CLYBL: variants seen among roughly 807,000 people sequenced by gnomAD.
The protein encoded by CLYBL is citramalyl-CoA lyase, mitochondrial.
Under a neutral mutation model 38.9 loss-of-function variants are expected in CLYBL, and 31 were observed. The observed-to-expected ratio is 0.80, with a 90% CI of 0.60 to 1.08. The LOEUF is 1.08. Ranked by LOEUF, CLYBL falls within the 50% of genes least tolerant of loss-of-function variation. The pLI, the probability that CLYBL is intolerant of heterozygous loss-of-function variation, is 0.00. For synonymous variants in CLYBL, 171 were observed against 158.6 expected (o/e 1.08, Z -0.59); for missense variants, 434 against 411.6 (o/e 1.05, Z -0.47).
At chr13:99,679,095 T>C (rs1005690935) in intron 1 of CLYBL, among the ~76,000 whole-genome samples, 7 of 151,970 alleles carry the variant, frequency 4.6e-5, no homozygotes, top group South Asian at 2.1e-4. Context: ...GAGATTGAGA[T>C]CATCCTGGCT....
chr13:99,791,760 G>A (rs543699749), intron 2 of CLYBL, among the ~76,000 whole-genome samples: 1 of 152,238 alleles, frequency 6.6e-6, no homozygotes, highest in African/African-American at 2.4e-5. Context: ...TGTCTTAACC[G>A]TGCTCCCAAA....
intron 2 of CLYBL, among the ~76,000 whole-genome samples, chr13:99,851,313 GC>G (rs1220098477): frequency 7.1e-6 from 1 of 141,260 alleles, no homozygotes; most frequent in African/African-American, 2.7e-5. Flanking sequence ...GTTGCAGTGA[GC>G]CGAGATCATG....
intron 2 of CLYBL, among the ~76,000 whole-genome samples, chr13:99,820,303 TC>T (rs1465478624): frequency 6.6e-6 from 1 of 152,164 alleles, no homozygotes; most frequent in Admixed American, 6.5e-5. Context: ...GGTCCTGCAC[TC>T]CCGTGCACTC....
chr13:99,858,587 T>C (rs1227427672), intron 2 of CLYBL, among the ~76,000 whole-genome samples: 3 of 152,232 alleles, frequency 2.0e-5, no homozygotes, highest in Non-Finnish European at 4.4e-5. Flanking sequence ...GTAATGCTAA[T>C]GAGAAAGACG....
At chr13:99,625,699 A>T in intron 1 of CLYBL, among the ~76,000 whole-genome samples, 1 of 152,252 alleles carries the variant, frequency 6.6e-6, no homozygotes, top group East Asian at 1.9e-4. Flanking sequence ...AGAAAATTCT[A>T]AAACATACCA....
chr13:99,673,337 C>G (rs150280819), intron 1 of CLYBL, among the ~76,000 whole-genome samples: 1 of 151,008 alleles, frequency 6.6e-6, no homozygotes, highest in Non-Finnish European at 1.5e-5. Flanking sequence ...CACTTGAACC[C>G]GGGAGGCAGA....
chr13:99,844,561 T>C (rs1270966203), intron 2 of CLYBL, among the ~76,000 whole-genome samples: 1 of 152,170 alleles, frequency 6.6e-6, no homozygotes, highest in Non-Finnish European at 1.5e-5. Flanking sequence ...GGCAGTGGTC[T>C]GGATAAAAAG....
chr13:99,638,462 C>T (rs2047053229), intron 1 of CLYBL, among the ~76,000 whole-genome samples: 1 of 152,208 alleles, frequency 6.6e-6, no homozygotes. Context: ...ACAACATCAT[C>T]TGAACAAATA....
chr13:99,696,601 A>G (rs2047982977), intron 1 of CLYBL, among the ~76,000 whole-genome samples: 1 of 152,120 alleles, frequency 6.6e-6, no homozygotes, highest in African/African-American at 2.4e-5. Context: ...ACATGGTAAA[A>G]ATTGATTTGA....
chr13:99,736,755 T>C (rs2048675047), intron 1 of CLYBL, among the ~76,000 whole-genome samples: 2 of 152,170 alleles, frequency 1.3e-5, no homozygotes, highest in African/African-American at 2.4e-5. Flanking sequence ...TCCACTGCCC[T>C]CTTATGCTGA....
chr13:99,660,593 C>T (rs1469572793), intron 1 of CLYBL, among the ~76,000 whole-genome samples: 2 of 152,186 alleles, frequency 1.3e-5, no homozygotes, highest in Non-Finnish European at 2.9e-5. Flanking sequence ...GTCTTTGATT[C>T]ACTAACTCCC....
At chr13:99,860,741 C>A (rs1350971790) in intron 3 of CLYBL, among the ~76,000 whole-genome samples, 1 of 152,196 alleles carries the variant, frequency 6.6e-6, no homozygotes, top group Admixed American at 6.5e-5. Context: ...AACAGAAGTC[C>A]TTTTGGCTGT....
exon 10 of CLYBL, among the ~76,000 whole-genome samples, chr13:99,908,719 C>T (rs1270912195): frequency 6.6e-6 from 1 of 152,146 alleles, no homozygotes; most frequent in Non-Finnish European, 1.5e-5. Context: ...TAAAGAATAT[C>T]AACATCATTT....
At chr13:99,905,072 G>T (rs564292012) in intron 8 of CLYBL, among the ~76,000 whole-genome samples, 1 of 152,022 alleles carries the variant, frequency 6.6e-6, no homozygotes, top group East Asian at 1.9e-4. Context: ...AGAGGGAAAG[G>T]GGGTGCTTCA....
intron 1 of CLYBL, among the ~76,000 whole-genome samples, chr13:99,747,398 C>T (rs2048872341): frequency 6.6e-6 from 1 of 151,846 alleles, no homozygotes; most frequent in Non-Finnish European, 1.5e-5. Flanking sequence ...CCTCCTGCCG[C>T]TCTGATTTAG....
chr13:99,864,747 A>C lies in CLYBL; in HGVS notation c.541-71A>C, dbSNP rs998810889. On this transcript the variant is annotated intron_variant, in intron 4 of 8. Coordinates refer to ENST00000339105, the MANE Select transcript of CLYBL (RefSeq NM_206808.5). ...TAAGAGTCAGGTCGTCCTGTTACTG[A>C]AATGCACCGTGCCTCTTCCCTCTGA... 2.9e-6 allele frequency: 3 copies of C among 1,034,836 alleles called. No individual in the cohort carries two copies. In the African/African-American group the frequency reaches 4.8e-5, roughly 16 times the overall value. 64.1% of individuals were successfully genotyped at this position (1,034,836 alleles called of 1,614,324 possible).
chr13:99,885,307 G>A (rs1428675306), intron 7 of CLYBL, among the ~76,000 whole-genome samples: 1 of 152,204 alleles, frequency 6.6e-6, no homozygotes, highest in African/African-American at 2.4e-5. Flanking sequence ...ATCAGGAGGA[G>A]TTTGCCAGAC....
chr13:99,759,329 G>A (rs1045766719), intron 1 of CLYBL, among the ~76,000 whole-genome samples: 10 of 152,254 alleles, frequency 6.6e-5, no homozygotes, highest in Non-Finnish European at 1.5e-4. Flanking sequence ...AGGAGCAGAA[G>A]CAACAGGTGG....
chr13:99,798,967 G>A (rs1214365728), intron 2 of CLYBL, among the ~76,000 whole-genome samples: 2 of 152,176 alleles, frequency 1.3e-5, no homozygotes, highest in Admixed American at 6.5e-5. Flanking sequence ...GGGACTCTTC[G>A]TGGATTAGCA....
Sources: gnomAD v4.1 joint callset for allele counts (sites outside exome capture counted in the v4.1 genomes callset) on GRCh38, gnomAD v4.1.1 for gene constraint, MANE v1.5 for transcripts, NCBI Gene and HGNC (gene_info 2026-07-23, HGNC 2026-07-21) for gene names.